The following BRWD3 variants were observed in gnomAD, a reference collection of about 807,000 sequenced individuals.
BRWD3 encodes bromodomain and WD repeat domain containing 3.
BRWD3 carries 10 observed loss-of-function variants against 149.7 expected under a neutral mutation model. That is an observed-to-expected ratio of 0.07 (90% CI 0.04 to 0.11). The LOEUF (loss-of-function observed/expected upper bound fraction) is 0.11, where lower values mean the gene tolerates loss of function less well. BRWD3 is among the 10% of genes least tolerant of loss of function. The pLI is 1.00. For synonymous variants in BRWD3, 504 were observed against 456.7 expected (o/e 1.10, Z -1.32); for missense variants, 940 against 1,373.2 (o/e 0.68, Z 4.99).
chrX:80,731,357 T>C (rs769394988), intron 12 of BRWD3, among the ~76,000 whole-genome samples: 1 of 111,502 alleles, frequency 9.0e-6, no homozygotes, highest in African/African-American at 3.3e-5. Context: ...AGACAGGGAG[T>C]TAAAAATTTA....
intron 25 of BRWD3, among the ~76,000 whole-genome samples, chrX:80,698,683 T>A (rs967362577): frequency 3.0e-5 from 3 of 101,543 alleles, no homozygotes; most frequent in Non-Finnish European, 6.0e-5. Context: ...CACTCCAGCC[T>A]GGGTGACAGA....
chrX:80,723,031 G>A (rs1364868366), intron 16 of BRWD3, among the ~76,000 whole-genome samples: 1 of 111,273 alleles, frequency 9.0e-6, no homozygotes, highest in Admixed American at 9.6e-5. Flanking sequence ...CTTCTATTAT[G>A]ATAAGAAGAA....
intron 6 of BRWD3, among the ~76,000 whole-genome samples, chrX:80,754,745 G>A (rs1337511116): frequency 2.7e-5 from 3 of 112,182 alleles, no homozygotes; most frequent in African/African-American, 6.5e-5. Context: ...GGTGGCTCAC[G>A]CCTATTATCC....
intron 6 of BRWD3, among the ~76,000 whole-genome samples, chrX:80,752,294 T>C (rs1397195560): frequency 1.8e-5 from 2 of 111,373 alleles, no homozygotes; most frequent in Non-Finnish European, 3.8e-5. Context: ...CTTTATCCAT[T>C]CATCCACTGA....
intron 12 of BRWD3, chrX:80,733,233 CAAAG>C: frequency 9.5e-6 from 3 of 316,578 alleles, no homozygotes; most frequent in Non-Finnish European, 1.7e-5. Flanking sequence ...GCAAAATAAA[CAAAG>C]AAGAAAGCAC....
intron 6 of BRWD3, among the ~76,000 whole-genome samples, chrX:80,753,068 TGTTGA>T (rs1489464849): frequency 8.0e-5 from 9 of 111,820 alleles, no homozygotes; most frequent in East Asian, 2.8e-4. Context: ...TGAGTTTTGT[TGTTGA>T]GTTGAGTTCC....
chrX:80,687,723 G>A (rs938093192), intron 34 of BRWD3, among the ~76,000 whole-genome samples: 2 of 110,309 alleles, frequency 1.8e-5, no homozygotes, highest in African/African-American at 6.6e-5. Context: ...GCTAGTCAGA[G>A]GGTACCTACA....
rs1053979312 is a variant in BRWD3 at position 80,673,997 on chromosome X, A to T, written c.*2612T>A. 1.8e-5 allele frequency: 2 copies of T among 111,170 alleles called. No individual in the cohort carries two copies. The highest frequency in any genetic ancestry group is 3.8e-5 in the Non-Finnish European group (2 of 52,812). The allele number at this position is 111,170 out of a possible 1,213,427, so 9.2% of individuals were successfully genotyped here. ...AAGAAAGCAAAGTGTAAATTGGGGG[A>T]AAAAAAAGTCCAGATATAAAAGTAA... On this transcript the variant is annotated 3_prime_UTR_variant, in exon 41 of 41. Coordinates refer to ENST00000373275, the MANE Select transcript of BRWD3 (RefSeq NM_153252.5).
At chrX:80,804,083 A>G (rs1435698537) in intron 4 of BRWD3, among the ~76,000 whole-genome samples, 1 of 112,669 alleles carries the variant, frequency 8.9e-6, no homozygotes, top group Non-Finnish European at 1.9e-5. Flanking sequence ...CATAAAAAAC[A>G]TAAAATTACT....
Position 80,703,527 on chromosome X carries a change from C to A in BRWD3, c.2788G>T (p.Asp930Tyr), listed in dbSNP as rs1602324360. The A allele has an allele frequency of 8.3e-7, 1 of 1,207,978 alleles. No individual in the cohort carries two copies. Among genetic ancestry groups the A allele is most frequent in the Non-Finnish European group, 1.1e-6 (1 of 893,788 alleles). Residue 930 changes from aspartate to tyrosine, a missense_variant, in exon 24 of 41, where the codon GAT becomes TAT. By Grantham distance (160) the Asp-to-Tyr change is radical. This residue lies in a region of BRWD3 where 158 missense variants were observed against 284.0 expected (regional missense o/e 0.56). Transcript: ENST00000373275. ...EEWFAPQWILDTIPRRSPFVP... is the reference protein window; with the variant it reads ...EEWFAPQWILYTIPRRSPFVP... ...AATGGGGAACGTCGGGGTATAGTAT[C>A]CAAGATCCACTGAGGGGCAAACCAT...
chrX:80,777,051 C>T (rs2074006541), intron 6 of BRWD3, among the ~76,000 whole-genome samples: 1 of 108,011 alleles, frequency 9.3e-6, no homozygotes, highest in Admixed American at 1.0e-4. Flanking sequence ...TCTTAGTGGT[C>T]CTTAGTTGAT....
In BRWD3 at chrX:80,676,701, C is replaced by A. The variant is rs1244461321; in HGVS notation, c.5317G>T (p.Asp1773Tyr). 2.5e-6 allele frequency: 3 copies of A among 1,209,197 alleles called. No homozygotes were observed. Among genetic ancestry groups the A allele is most frequent in the Non-Finnish European group, 2.2e-6 (2 of 894,893 alleles). Residue 1773 changes from aspartate to tyrosine, a missense_variant, in exon 41 of 41, where the codon GAT (aspartate) becomes TAT (tyrosine). Transcript: ENST00000373275. Reference sequence around the variant, plus strand: ...CTGGATGTACCAAGATTCAGAGGATCCTCAGTGGACACAAAATTGTCATTA... The same window carrying A: ...CTGGATGTACCAAGATTCAGAGGATACTCAGTGGACACAAAATTGTCATTA... The part of the protein sequence containing the change: ...SDNDNFVSTE[D>Y]PLNLGTSRSG...
At chrX:80,779,394 G>A (rs1285062559) in intron 6 of BRWD3, among the ~76,000 whole-genome samples, 1 of 110,651 alleles carries the variant, frequency 9.0e-6, no homozygotes, top group Non-Finnish European at 1.9e-5. Flanking sequence ...TTTCTATTAA[G>A]TAGAGAGGAC....
At chrX:80,713,505 G>C (rs1204194600) in intron 20 of BRWD3, among the ~76,000 whole-genome samples, 16 of 109,300 alleles carry the variant, frequency 1.5e-4, no homozygotes, top group African/African-American at 4.3e-4. Flanking sequence ...TGCTCCTTAA[G>C]AGTCATCACC....
At chrX:80,791,039 T>C (rs1443312236) in intron 6 of BRWD3, among the ~76,000 whole-genome samples, 1 of 112,202 alleles carries the variant, frequency 8.9e-6, no homozygotes, top group Non-Finnish European at 1.9e-5. Flanking sequence ...GTCTAATCAA[T>C]GATTTTGTCT....
chrX:80,749,523 C>A (rs2073638027), intron 6 of BRWD3, among the ~76,000 whole-genome samples: 1 of 111,092 alleles, frequency 9.0e-6, no homozygotes, highest in Admixed American at 9.6e-5. Flanking sequence ...CTTTTGGATT[C>A]CATTTGTATG....
chrX:80,723,363 A>G (rs961773578), intron 16 of BRWD3, among the ~76,000 whole-genome samples: 2 of 111,471 alleles, frequency 1.8e-5, no homozygotes, highest in Non-Finnish European at 3.8e-5. Flanking sequence ...AATAATAAGT[A>G]AAATAGTAAA....
At chrX:80,700,342 C>A (rs1051661699) in intron 24 of BRWD3, among the ~76,000 whole-genome samples, 1 of 101,206 alleles carries the variant, frequency 9.9e-6, no homozygotes, top group Admixed American at 1.1e-4. Context: ...AAAATGTACA[C>A]AAAACTGGTC....
chrX:80,785,811 T>C (rs892887342), intron 6 of BRWD3, among the ~76,000 whole-genome samples: 1 of 112,287 alleles, frequency 8.9e-6, no homozygotes, highest in Admixed American at 9.5e-5. Context: ...GCAGATGACC[T>C]GGGATCTGGA....
Sources: gnomAD v4.1 joint callset for allele counts (sites outside exome capture counted in the v4.1 genomes callset) on GRCh38, gnomAD v4.1.1 for gene constraint, gnomAD v4.1.1 regional missense constraint, MANE v1.5 for transcripts, NCBI Gene and HGNC (gene_info 2026-07-23, HGNC 2026-07-21) for gene names.